MTUS1: variants seen among roughly 807,000 people sequenced by gnomAD.
The protein encoded by MTUS1 is microtubule associated scaffold protein 1, also known as microtubule-associated tumor suppressor 1.
A neutral mutation model predicts 120.8 loss-of-function variants in MTUS1; 109 were observed. That is an observed-to-expected ratio of 0.90 (90% confidence interval 0.77 to 1.06). The LOEUF (loss-of-function observed/expected upper bound fraction) is 1.06, where lower values mean the gene tolerates loss of function less well. Among genes scored for constraint, MTUS1 ranks in the 50% least tolerant of loss-of-function variants. The pLI is 0.00. For synonymous variants in MTUS1, 737 were observed against 550.5 expected (o/e 1.34, Z -4.74); for missense variants, 2,210 against 1,486.3 (o/e 1.49, Z -8.01).
At chr8:17,770,728 G>A (rs542566526) in intron 1 of MTUS1, 21 of 152,272 alleles carry the variant, frequency 1.4e-4, no homozygotes, top group African/African-American at 5.1e-4. Flanking sequence ...TGGACTCTCT[G>A]CCAATGAAAC....
intron 7 of MTUS1, chr8:17,676,179 T>G (rs1046628599): frequency 2.9e-6 from 2 of 691,634 alleles, no homozygotes; most frequent in African/African-American, 3.5e-5. Flanking sequence ...CAGGCAAGAG[T>G]TGCTTGTCAT....
intron 8 of MTUS1, among the ~76,000 whole-genome samples, chr8:17,657,567 C>CA (rs1334841547): frequency 0.015 from 1,868 of 123,422 alleles, 35 homozygotes; most frequent in African/African-American, 0.049. Context: ...GACTCCGTCT[C>CA]AAAAAAAAAA....
At chr8:17,659,405 C>T (rs1383965744) in intron 8 of MTUS1, among the ~76,000 whole-genome samples, 1 of 152,158 alleles carries the variant, frequency 6.6e-6, no homozygotes, top group African/African-American at 2.4e-5. Context: ...TAAATAAAAA[C>T]TGTGATGAGG....
chr8:17,701,783 T>C (rs60669622), intron 6 of MTUS1, among the ~76,000 whole-genome samples: 6,541 of 152,226 alleles, frequency 0.043, 291 homozygotes, highest in South Asian at 0.16. Context: ...TCTCCTGACC[T>C]TGTGATCCAC....
intron 4 of MTUS1, among the ~76,000 whole-genome samples, chr8:17,720,219 C>G (rs1351435238): frequency 2.0e-5 from 3 of 152,018 alleles, no homozygotes; most frequent in African/African-American, 7.2e-5. Context: ...ATGGGGCATG[C>G]CTATAATCCC....
chr8:17,689,909 TAAA>T (rs757125422), intron 6 of MTUS1, among the ~76,000 whole-genome samples: 13 of 106,250 alleles, frequency 1.2e-4, no homozygotes, highest in Non-Finnish European at 1.7e-4. Context: ...CCTGAAAAAA[TAAA>T]AATTCCTGGG....
chr8:17,742,766 G>A lies in MTUS1; in HGVS notation c.2287+838C>T, dbSNP rs539809919. Among the ~76,000 whole-genome samples, 291 of 152,272 alleles carry A rather than the reference G, an allele frequency of 1.9e-3. 12 individuals are homozygous for A. In the South Asian group the frequency reaches 0.056, roughly 30 times the overall value. On this transcript the variant is annotated intron_variant, in intron 3 of 14. Coordinates refer to ENST00000693296, the MANE Select transcript of MTUS1 (RefSeq NM_001363059.2). ...CCTACAAATACTAAATTGTAGAGAGGTACAGAGATCTTCTGGGATTTGCTC... is the reference window on the plus strand; with the variant it reads ...CCTACAAATACTAAATTGTAGAGAGATACAGAGATCTTCTGGGATTTGCTC...
At chr8:17,698,329 C>T (rs922396058) in intron 6 of MTUS1, among the ~76,000 whole-genome samples, 2 of 152,080 alleles carry the variant, frequency 1.3e-5, no homozygotes, top group African/African-American at 2.4e-5. Flanking sequence ...TGCCAGTTAT[C>T]TACTAATTTT....
chr8:17,771,424 G>T (rs559902820), intron 1 of MTUS1, among the ~76,000 whole-genome samples: 1 of 152,342 alleles, frequency 6.6e-6, no homozygotes, highest in East Asian at 1.9e-4. Context: ...TTCATGCAAT[G>T]AAGTTTTCAA....
intron 1 of MTUS1, among the ~76,000 whole-genome samples, chr8:17,786,715 T>G (rs1000394208): frequency 2.8e-4 from 43 of 152,278 alleles, no homozygotes; most frequent in African/African-American, 9.9e-4. Context: ...GTTGAGAGAC[T>G]GGCTGGGGCT....
chr8:17,791,189 G>C (rs755177939), intron 1 of MTUS1, among the ~76,000 whole-genome samples: 12 of 152,182 alleles, frequency 7.9e-5, no homozygotes, highest in Non-Finnish European at 1.5e-4. Flanking sequence ...CTGGTCCCCA[G>C]TCTCCTTCAG....
In MTUS1 at chr8:17,723,687, T is replaced by C. The variant is rs770205079; in HGVS notation, c.2434A>G (p.Thr812Ala). Residue 812 changes from threonine to alanine, a missense_variant, in exon 4 of 15, where the codon ACT becomes GCT. By Grantham distance (58) the Thr-to-Ala change is moderately conservative. Transcript: ENST00000693296. ...GTCGACTTACAATTGTTGCTGTAAG[T>C]GCTCAGCTCACTGTGGGTGCTGGCT... is the stretch of plus-strand genomic sequence containing the variant. ...SIASTHSELS[T>A]YSNNSGNAAV... 56 of 1,610,600 alleles carry C rather than the reference T, an allele frequency of 3.5e-5. 3 individuals are homozygous for C. The highest frequency in any genetic ancestry group is 4.6e-5 in the Non-Finnish European group (54 of 1,177,616).
chr8:17,762,593 C>T (rs1009888926), intron 1 of MTUS1, among the ~76,000 whole-genome samples: 5 of 152,284 alleles, frequency 3.3e-5, no homozygotes, highest in African/African-American at 1.2e-4. Flanking sequence ...ATAACGATTT[C>T]CTATGAAGTT....
chr8:17,725,478 T>C (rs2046165774), intron 3 of MTUS1, among the ~76,000 whole-genome samples: 2 of 152,334 alleles, frequency 1.3e-5, no homozygotes, highest in South Asian at 2.1e-4. Flanking sequence ...GGGCACATCA[T>C]GTGCTATTCT....
Position 17,755,345 on chromosome 8 carries a change from A to AACATTT in MTUS1, c.462_463insAAATGT (p.Ala154_Leu155insLysCys). On this transcript the variant is annotated inframe_insertion, in exon 2 of 15. Coordinates refer to ENST00000693296, the MANE Select transcript of MTUS1 (RefSeq NM_001363059.2). ...ATGTCAAATGTTTGGTTTAGCTCCAAGGCATCACAGTAGCCTGCACAGTTC... is the reference window on the plus strand; with the variant it reads ...ATGTCAAATGTTTGGTTTAGCTCCAAACATTTGGCATCACAGTAGCCTGCACAGTTC... The AACATTT allele has an allele frequency of 6.2e-7, 1 of 1,614,202 alleles. No homozygotes were observed. Among genetic ancestry groups the AACATTT allele is most frequent in the Non-Finnish European group, 8.5e-7 (1 of 1,180,026 alleles).
chr8:17,654,326 C>A, intron 10 of MTUS1: 1 of 534,872 alleles, frequency 1.9e-6, no homozygotes, highest in Non-Finnish European at 3.3e-6. Context: ...CCTTTACAGT[C>A]TTCCAAAGCC....
chr8:17,725,438 C>A (rs1195813189), intron 3 of MTUS1, among the ~76,000 whole-genome samples: 1 of 152,168 alleles, frequency 6.6e-6, no homozygotes, highest in East Asian at 1.9e-4. Flanking sequence ...GTGCTCTGCT[C>A]CGATTAACCT....
At chr8:17,709,293 C>A (rs1820800239) in intron 6 of MTUS1, among the ~76,000 whole-genome samples, 1 of 152,110 alleles carries the variant, frequency 6.6e-6, no homozygotes, top group Non-Finnish European at 1.5e-5. Context: ...CTTTACACAA[C>A]AGGCTCAGAA....
intron 2 of MTUS1, among the ~76,000 whole-genome samples, chr8:17,746,354 C>T (rs77348260): frequency 0.042 from 6,448 of 152,160 alleles, 183 homozygotes; most frequent in East Asian, 0.095. Context: ...AGCACCTCTA[C>T]GTATTAGTCC....
Sources: allele counts gnomAD v4.1 joint callset (sites outside exome capture counted in the v4.1 genomes callset), GRCh38; gene constraint gnomAD v4.1.1; transcripts MANE v1.5; gene names NCBI Gene and HGNC (gene_info 2026-07-23, HGNC 2026-07-21).